Variants in ZNF730 observed in about 807,000 individuals in gnomAD.
The protein encoded by ZNF730 is zinc finger protein 730.
A neutral mutation model predicts 12.6 loss-of-function variants in ZNF730; 12 were observed. The observed-to-expected ratio is 0.95, with a 90% confidence interval of 0.61 to 1.54. The LOEUF is 1.54. Ranked by LOEUF, ZNF730 falls within the 40% of genes most tolerant of loss-of-function variation. ZNF730 has a pLI of 0.00. For synonymous variants in ZNF730, 194 were observed against 195.8 expected, an observed-to-expected ratio of 0.99 and a Z score of 0.08; for missense variants, 643 against 583.5, an observed-to-expected ratio of 1.10 and a Z score of -1.05.
At chr19:23,096,743 G>A (rs998592394) in intron 1 of ZNF730, among the ~76,000 whole-genome samples, 1 of 152,200 alleles carries the variant, frequency 6.6e-6, no homozygotes, top group African/African-American at 2.4e-5. Flanking sequence ...GTACATAGGT[G>A]ATGTGACTCT....
At chr19:23,094,396 A>G (rs1456726017) in intron 1 of ZNF730, among the ~76,000 whole-genome samples, 31 of 147,304 alleles carry the variant, frequency 2.1e-4, no homozygotes, top group African/African-American at 7.9e-4. Flanking sequence ...CTATCTGTCT[A>G]TCTGTCTATC....
chr19:23,083,553 G>C (rs1970004235), intron 1 of ZNF730, among the ~76,000 whole-genome samples: 1 of 151,578 alleles, frequency 6.6e-6, no homozygotes, highest in Non-Finnish European at 1.5e-5. Flanking sequence ...CCCGCCAACA[G>C]TGTGTATGTG....
At chr19:23,098,047 G>T (rs1970281527) in intron 1 of ZNF730, among the ~76,000 whole-genome samples, 2 of 151,980 alleles carry the variant, frequency 1.3e-5, no homozygotes. Flanking sequence ...GGGAGGCTGA[G>T]ACAGGAGAAT....
At chr19:23,133,336 G>GTT (rs554836444) in intron 1 of ZNF730, among the ~76,000 whole-genome samples, 19 of 151,528 alleles carry the variant, frequency 1.3e-4, no homozygotes, top group Non-Finnish European at 2.1e-4. Context: ...TGTTTTTTTT[G>GTT]TTTTTTTTTT....
chr19:23,083,719 A>C (rs1383310725), intron 1 of ZNF730, among the ~76,000 whole-genome samples: 1 of 151,808 alleles, frequency 6.6e-6, no homozygotes, highest in Non-Finnish European at 1.5e-5. Context: ...TTAGCCATTC[A>C]TATGTTTTTT....
At chr19:23,121,783 A>G (rs530159352) in intron 1 of ZNF730, among the ~76,000 whole-genome samples, 1 of 152,358 alleles carries the variant, frequency 6.6e-6, no homozygotes, top group Admixed American at 6.5e-5. Context: ...ACTGAAGTTC[A>G]GATGTCCAGT....
In ZNF730 at chr19:23,146,483, A is replaced by G. The variant is rs772050145; in HGVS notation, c.1439A>G (p.Tyr480Cys). Reference sequence around the variant, plus strand: ...ATAATTCATTCTGGGGAAAAAATCTACAAATGTAAAGAATGTGGTAAAGCC... The same window carrying G: ...ATAATTCATTCTGGGGAAAAAATCTGCAAATGTAAAGAATGTGGTAAAGCC... The part of the protein sequence containing the change: ...HKIIHSGEKI[Y>C]KCKECGKAFR... Residue 480 changes from tyrosine (Y) to cysteine (C), a missense_variant, in exon 4 of 4, where the codon TAC becomes TGC. Tyr to Cys is a radical substitution (Grantham distance 194). Coordinates refer to ENST00000597761, the MANE Select transcript of ZNF730 (RefSeq NM_001277403.2). 6.2e-7 allele frequency: 1 copy of G among 1,604,894 alleles called. No homozygotes were observed. Among genetic ancestry groups the G allele is most frequent in the South Asian group, 1.1e-5 (1 of 90,284 alleles).
intron 1 of ZNF730, among the ~76,000 whole-genome samples, chr19:23,106,185 G>C (rs542920212): frequency 6.6e-6 from 1 of 151,806 alleles, no homozygotes; most frequent in Non-Finnish European, 1.5e-5. Flanking sequence ...AGAAATAGAA[G>C]GAGGAGGAGA....
At chr19:23,110,959 T>C (rs565557036) in intron 1 of ZNF730, among the ~76,000 whole-genome samples, 1 of 152,362 alleles carries the variant, frequency 6.6e-6, no homozygotes, top group African/African-American at 2.4e-5. Context: ...CAGTTTTCAG[T>C]GCTGTGCACC....
At chr19:23,127,634 C>T (rs889842928) in intron 1 of ZNF730, 69 of 1,100,276 alleles carry the variant, frequency 6.3e-5, no homozygotes, top group Non-Finnish European at 9.1e-5. Flanking sequence ...TGGCAATAAA[C>T]TCTTTGTGTG....
At chr19:23,090,888 T>C (rs1257592804) in intron 1 of ZNF730, among the ~76,000 whole-genome samples, 1 of 151,702 alleles carries the variant, frequency 6.6e-6, no homozygotes, top group Non-Finnish European at 1.5e-5. Context: ...TTTCAGCTAC[T>C]CAGGAGGCTG....
intron 1 of ZNF730, among the ~76,000 whole-genome samples, chr19:23,122,237 T>A (rs2145612005): frequency 6.7e-6 from 1 of 150,224 alleles, no homozygotes; most frequent in South Asian, 2.1e-4. Context: ...CACCTCCCAG[T>A]TCAAATGATT....
intron 1 of ZNF730, among the ~76,000 whole-genome samples, chr19:23,081,136 A>G (rs924080629): frequency 2.0e-5 from 3 of 149,706 alleles, no homozygotes; most frequent in Admixed American, 6.6e-5. Flanking sequence ...GTGAGCCACC[A>G]TACTAGACCT....
In ZNF730 at chr19:23,145,502, T is replaced by C. The variant is rs1349686001; in HGVS notation, c.458T>C (p.Val153Ala). The C allele has an allele frequency of 6.4e-7, 1 of 1,563,034 alleles. No individual in the cohort carries two copies. ...KIFQCDKYVK[V>A]FHKFSNSNRH... ...TTTCAGTGTGACAAATATGTGAAAG[T>C]CTTTCATAAATTTTCAAATTCAAAC... Residue 153 changes from valine to alanine, a missense_variant, in exon 4 of 4, where the codon GTC becomes GCC. Physicochemically the swap from Val to Ala is moderately conservative, Grantham distance 64. Transcript: ENST00000597761.
At position 23,146,593 on chromosome 19, in the gene ZNF730, T is replaced by G. The variant is rs1290437565; in HGVS notation, c.*37T>G. ...CTGTGGCAAAGCTTTTAAACAATCT[T>G]TATACCTTACTACACATAAGATAAT... On this transcript the variant is annotated 3_prime_UTR_variant, in exon 4 of 4. Transcript: ENST00000597761. The G allele has an allele frequency of 2.5e-5, 39 of 1,588,596 alleles. No homozygotes were observed. The highest frequency in any genetic ancestry group is 3.4e-5 in the Non-Finnish European group (39 of 1,163,514).
chr19:23,087,783 T>C (rs2145473298), intron 1 of ZNF730, among the ~76,000 whole-genome samples: 1 of 150,094 alleles, frequency 6.7e-6, no homozygotes, highest in Non-Finnish European at 1.5e-5. Context: ...GCCTGGCTAA[T>C]TTTGTATTTT....
At chr19:23,106,364 G>A (rs1970392703) in intron 1 of ZNF730, among the ~76,000 whole-genome samples, 1 of 151,918 alleles carries the variant, frequency 6.6e-6, no homozygotes. Context: ...GAACATCACA[G>A]AGAATAAATT....
At chr19:23,137,948 G>A (rs1426889844) in intron 3 of ZNF730, among the ~76,000 whole-genome samples, 1 of 152,180 alleles carries the variant, frequency 6.6e-6, no homozygotes, top group Non-Finnish European at 1.5e-5. Flanking sequence ...TCTGCAATTG[G>A]TTGTGCATAT....
chr19:23,104,754 G>T (rs563271291), intron 1 of ZNF730, among the ~76,000 whole-genome samples: 1 of 152,254 alleles, frequency 6.6e-6, no homozygotes, highest in South Asian at 2.1e-4. Context: ...AGCTTGACTT[G>T]CAGAGATGAT....
Sources: allele counts gnomAD v4.1 joint callset (sites outside exome capture counted in the v4.1 genomes callset), GRCh38; gene constraint gnomAD v4.1.1; transcripts MANE v1.5; gene names NCBI Gene and HGNC (gene_info 2026-07-23, HGNC 2026-07-21).